The following KCNQ5 variants were observed in gnomAD, a reference collection of about 807,000 sequenced individuals.
KCNQ5 encodes potassium voltage-gated channel subfamily KQT member 5.
Under a neutral mutation model 98.2 loss-of-function variants are expected in KCNQ5, and 30 were observed. The observed-to-expected ratio is 0.31, with a 90% confidence interval of 0.23 to 0.41. KCNQ5 has a LOEUF of 0.41. KCNQ5 is among the 10% of genes least tolerant of loss of function. KCNQ5 has a pLI of 1.00. For synonymous variants in KCNQ5, 458 were observed against 449.4 expected (o/e 1.02, Z -0.24); for missense variants, 835 against 1,182.5 (o/e 0.71, Z 4.31).
rs142233383 is a variant in KCNQ5, at chr6:73,174,356, T to C, written c.1577+4502T>C. ...CTGTGAAACCTGTTCTTTTTGTGAA[T>C]ATCAACAAAACCACTGATGCAGATT... On this transcript the variant is annotated intron_variant, in intron 11 of 13. Coordinates refer to ENST00000370398, the MANE Select transcript of KCNQ5 (RefSeq NM_019842.4). Among the ~76,000 whole-genome samples the C allele has an allele frequency of 2.2e-3, 336 of 152,320 alleles. 1 individual carries two copies. The highest frequency in any genetic ancestry group is 3.2e-3 in the Non-Finnish European group (221 of 68,016).
intron 3 of KCNQ5, among the ~76,000 whole-genome samples, chr6:73,075,908 G>A: frequency 6.6e-6 from 1 of 152,284 alleles, no homozygotes; most frequent in Middle Eastern, 3.4e-3. Flanking sequence ...AGCCAGGCGT[G>A]TTGGTGCATG....
intron 9 of KCNQ5, among the ~76,000 whole-genome samples, chr6:73,124,824 T>C (rs928087434): frequency 4.0e-5 from 6 of 151,388 alleles, no homozygotes; most frequent in Non-Finnish European, 5.9e-5. Context: ...TATCAAAGTA[T>C]TCAAATATGG....
intron 1 of KCNQ5, among the ~76,000 whole-genome samples, chr6:72,930,084 AT>A (rs934655246): frequency 1.2e-4 from 18 of 152,064 alleles, no homozygotes; most frequent in Admixed American, 1.0e-3. Flanking sequence ...ATGAATGACC[AT>A]TTTTTAAGCT....
chr6:72,658,578 A>ATATATATATT (rs1226386362), intron 1 of KCNQ5, among the ~76,000 whole-genome samples: 43 of 76,370 alleles, frequency 5.6e-4, no homozygotes, highest in Non-Finnish European at 9.6e-4. Flanking sequence ...ATATATATAT[A>ATATATATATT]TTTTTTTTTT....
At chr6:72,694,180 T>C (rs1768363082) in intron 1 of KCNQ5, among the ~76,000 whole-genome samples, 1 of 152,106 alleles carries the variant, frequency 6.6e-6, no homozygotes, top group Non-Finnish European at 1.5e-5. Context: ...TAGTAATTAC[T>C]CTCTTCCATA....
chr6:72,934,646 A>T (rs1308617926), intron 1 of KCNQ5, among the ~76,000 whole-genome samples: 1 of 152,210 alleles, frequency 6.6e-6, no homozygotes, highest in African/African-American at 2.4e-5. Flanking sequence ...TAATTTCAAA[A>T]TTCATCTTTA....
At chr6:72,769,062 C>G (rs1772726786) in intron 1 of KCNQ5, among the ~76,000 whole-genome samples, 1 of 152,046 alleles carries the variant, frequency 6.6e-6, no homozygotes, top group African/African-American at 2.4e-5. Flanking sequence ...GTAGTACTCT[C>G]CTTTCCTCAG....
At chr6:73,035,219 A>G (rs1329042559) in intron 2 of KCNQ5, among the ~76,000 whole-genome samples, 1 of 152,204 alleles carries the variant, frequency 6.6e-6, no homozygotes, top group Non-Finnish European at 1.5e-5. Context: ...TTTTACCAAA[A>G]TTCTGTGAGG....
intron 1 of KCNQ5, among the ~76,000 whole-genome samples, chr6:72,694,239 A>T (rs1181841950): frequency 6.6e-6 from 1 of 152,204 alleles, no homozygotes; most frequent in Non-Finnish European, 1.5e-5. Context: ...AGAAATATAC[A>T]ACATCTGTGA....
intron 3 of KCNQ5, among the ~76,000 whole-genome samples, chr6:73,068,536 C>A (rs1333194534): frequency 6.6e-6 from 1 of 152,004 alleles, no homozygotes; most frequent in African/African-American, 2.4e-5. Flanking sequence ...TTATTCAATT[C>A]TTGCAACCCT....
intron 1 of KCNQ5, among the ~76,000 whole-genome samples, chr6:72,656,782 T>C (rs72950091): frequency 0.017 from 2,603 of 151,908 alleles, 40 homozygotes; most frequent in South Asian, 0.045. Context: ...TATCTCTGGC[T>C]CTGACACTTT....
chr6:72,846,186 A>G (rs1777012412), intron 1 of KCNQ5, among the ~76,000 whole-genome samples: 1 of 152,184 alleles, frequency 6.6e-6, no homozygotes, highest in African/African-American at 2.4e-5. Context: ...GAGACTTAAA[A>G]CTAAACAAAC....
chr6:72,891,283 T>C (rs1779047543), intron 1 of KCNQ5, among the ~76,000 whole-genome samples: 1 of 152,194 alleles, frequency 6.6e-6, no homozygotes, highest in Non-Finnish European at 1.5e-5. Context: ...AACATGAAAG[T>C]CTTCAGAAAA....
At chr6:72,677,065 T>A (rs1334443039) in intron 1 of KCNQ5, 3 of 152,236 alleles carry the variant, frequency 2.0e-5, no homozygotes, top group Non-Finnish European at 1.5e-5. Flanking sequence ...TCAGTAATTA[T>A]AGTCTCAGTT....
intron 1 of KCNQ5, among the ~76,000 whole-genome samples, chr6:72,745,623 G>T (rs1771356894): frequency 6.6e-6 from 1 of 152,184 alleles, no homozygotes. Context: ...TTGCCCTGAT[G>T]CTAGTCATAG....
At chr6:72,747,710 G>A (rs1771474619) in intron 1 of KCNQ5, among the ~76,000 whole-genome samples, 1 of 152,088 alleles carries the variant, frequency 6.6e-6, no homozygotes, top group Non-Finnish European at 1.5e-5. Flanking sequence ...TAGTTACATA[G>A]CATATGAATT....
chr6:72,912,265 CA>C (rs202239809), intron 1 of KCNQ5, among the ~76,000 whole-genome samples: 33 of 150,774 alleles, frequency 2.2e-4, no homozygotes, highest in African/African-American at 6.3e-4. Context: ...ATAGGTAAAT[CA>C]AAAAAAAACT....
chr6:73,130,101 G>C (rs1276235976), intron 9 of KCNQ5, among the ~76,000 whole-genome samples: 1 of 152,248 alleles, frequency 6.6e-6, no homozygotes, highest in Non-Finnish European at 1.5e-5. Flanking sequence ...GCGCCTCCTT[G>C]TGGTTGGACA....
chr6:72,759,527 G>A (rs1033039134), intron 1 of KCNQ5, among the ~76,000 whole-genome samples: 1 of 152,140 alleles, frequency 6.6e-6, no homozygotes, highest in East Asian at 1.9e-4. Flanking sequence ...ATATCTGGCA[G>A]AGGCATCACT....
Sources: allele counts gnomAD v4.1 joint callset (sites outside exome capture counted in the v4.1 genomes callset), GRCh38; gene constraint gnomAD v4.1.1; transcripts MANE v1.5; gene names NCBI Gene and HGNC (gene_info 2026-07-23, HGNC 2026-07-21).